USP20: variants seen among roughly 807,000 people sequenced by gnomAD.
USP20 encodes the protein ubiquitin carboxyl-terminal hydrolase 20.
Under a neutral mutation model 124.2 loss-of-function variants are expected in USP20, and 80 were observed. The ratio of observed to expected loss-of-function variants is 0.64; its 90% CI spans 0.54 to 0.78. The LOEUF (loss-of-function observed/expected upper bound fraction) is 0.78, where lower values mean the gene tolerates loss of function less well. Among genes scored for constraint, USP20 ranks in the 30% least tolerant of loss-of-function variants. USP20 has a pLI of 0.00. For synonymous variants in USP20, 481 were observed against 512.3 expected, an observed-to-expected ratio of 0.94 and a Z score of 0.83; for missense variants, 1,043 against 1,244.4, an observed-to-expected ratio of 0.84 and a Z score of 2.44.
chr9:129,866,062 C>T lies in USP20; in HGVS notation c.690+681C>T, dbSNP rs72757205. Among the ~76,000 whole-genome samples the T allele has an allele frequency of 6.0e-3, 907 of 152,342 alleles. 3 individuals carry two copies. The highest frequency in any genetic ancestry group is 0.01 in the Non-Finnish European group (707 of 68,030). On this transcript the variant is annotated intron_variant, in intron 10 of 25. Coordinates refer to ENST00000372429, the MANE Select transcript of USP20 (RefSeq NM_001110303.4). ...TGCAGCCACGCGTACACCTCAGCCC[C>T]GGGCTGATGGCTCCTGCCCTCCAGC...
Position 129,868,993 on chromosome 9 carries a change from C to T in USP20, c.1267C>T (p.Leu423Phe). 8 of 1,608,362 alleles carry T rather than the reference C, an allele frequency of 5.0e-6. No homozygotes were observed. Among genetic ancestry groups the T allele is most frequent in the Non-Finnish European group, 6.8e-6 (8 of 1,176,522 alleles). Residue 423 changes from leucine to phenylalanine, a missense_variant, in exon 12 of 26, where the codon CTC becomes TTC. Transcript: ENST00000372429. ...CGTGAGGATGGCACCGTCGTACGTG[C>T]TCAAGAAAGGTTCGGGGGGCACGGG... ...SPVRMAPSYV[L>F]KKAQVLSAGS...
Position 129,873,722 on chromosome 9 carries a change from G to A in USP20, c.1718G>A (p.Cys573Tyr). 1 of 1,612,986 alleles carries A rather than the reference G, an allele frequency of 6.2e-7. No individual in the cohort carries two copies. The highest frequency in any genetic ancestry group is 8.5e-7 in the Non-Finnish European group (1 of 1,180,020). ...AGGCTGCGGAACGGAGTGAAGTACT[G>A]CAAAGTCCTGCGGTTGCCCGAGGTG... ...CKKLRNGVKYCKVLRLPEILC... is the reference protein window; with the variant it reads ...CKKLRNGVKYYKVLRLPEILC... Residue 573 changes from cysteine to tyrosine, a missense_variant, in exon 17 of 26, where the codon TGC becomes TAC. Transcript: ENST00000372429.
rs747070020 is a variant in USP20, at chr9:129,873,741, C to A, written c.1737C>A (p.Pro579=). ...AGTACTGCAAAGTCCTGCGGTTGCCCGAGGTGAGCCAGTGGCCTCGGCAGC... is the reference window on the plus strand; with the variant it reads ...AGTACTGCAAAGTCCTGCGGTTGCCAGAGGTGAGCCAGTGGCCTCGGCAGC... ...GVKYCKVLRL[P]EILCIHLKRF... is the part of the protein sequence containing the mutation. The change falls in exon 17 of 26, where the codon CCC becomes CCA. Residue 579 remains proline (P), a synonymous_variant. Coordinates refer to ENST00000372429, the MANE Select transcript of USP20 (RefSeq NM_001110303.4). 6.2e-7 allele frequency: 1 copy of A among 1,612,060 alleles called. No homozygotes were observed. Among genetic ancestry groups the A allele is most frequent in the Non-Finnish European group, 8.5e-7 (1 of 1,179,990 alleles).
rs751016115 is a variant in USP20, at chr9:129,880,261, G to A, written c.2733G>A (p.Thr911=). Reference sequence around the variant, plus strand: ...GGGAGCAGAAGATCGAAGCCGAGACGCGGGCCGTGTGATCTGCTGGGCTAG... The same window carrying A: ...GGGAGCAGAAGATCGAAGCCGAGACACGGGCCGTGTGATCTGCTGGGCTAG... ...LHGEQKIEAE[T]RAV is the part of the protein sequence containing the mutation. The change falls in exon 25 of 26, where the codon ACG becomes ACA. Residue 911 remains threonine (T), a synonymous_variant. Coordinates refer to ENST00000372429, the MANE Select transcript of USP20 (RefSeq NM_001110303.4). 17 of 1,600,262 alleles carry A rather than the reference G, an allele frequency of 1.1e-5. No homozygotes were observed. The highest frequency in any genetic ancestry group is 3.5e-5 in the Admixed American group (2 of 57,652).
chr9:129,839,210 C>A lies in USP20; in HGVS notation c.-129+3711C>A, dbSNP rs577162942. On this transcript the variant is annotated intron_variant, in intron 1 of 25. Coordinates refer to ENST00000372429, the MANE Select transcript of USP20 (RefSeq NM_001110303.4). This position sits in a 1 kb window ranked among gnomAD's most constrained non-coding sequence, Gnocchi z 4.5. ...TAGCCAGTTATTCCACTTCTCTGAG[C>A]CTCGGTGTCTCCATTGTTAGTGATG... is the stretch of plus-strand genomic sequence containing the variant. 2.0e-5 allele frequency among the ~76,000 whole-genome samples: 3 copies of A among 152,280 alleles called. No individual in the cohort carries two copies. The highest frequency in any genetic ancestry group is 7.2e-5 in the African/African-American group (3 of 41,556).
chr9:129,848,485 C>T (rs576382396), intron 1 of USP20, among the ~76,000 whole-genome samples: 1 of 151,734 alleles, frequency 6.6e-6, no homozygotes, highest in East Asian at 2.0e-4. Context: ...ACTTGCAAAT[C>T]AAGAGTGAGT....
intron 13 of USP20, 113 bp from the exon 14 acceptor site, chr9:129,869,559 G>T: frequency 6.5e-7 from 1 of 1,541,006 alleles, no homozygotes. Flanking sequence ...TGCCTGCGTG[G>T]ATCCCGTGTC....
chr9:129,854,048 C>A (rs1039544653), intron 3 of USP20, among the ~76,000 whole-genome samples: 1 of 152,128 alleles, frequency 6.6e-6, no homozygotes, highest in South Asian at 2.1e-4. Flanking sequence ...GTAGAAATGA[C>A]AAGAAACTTT....
At chr9:129,869,489 T>C in intron 13 of USP20, 64 bp downstream of exon 13, 1 of 1,571,162 alleles carries the variant, frequency 6.4e-7, no homozygotes. Flanking sequence ...GCTCTTGCCC[T>C]GACTGGGTGC....
chr9:129,855,194 G>C (rs1564203202), intron 3 of USP20, among the ~76,000 whole-genome samples: 1 of 152,208 alleles, frequency 6.6e-6, no homozygotes, highest in Non-Finnish European at 1.5e-5. Context: ...CACTTTGGGA[G>C]GCCAAGGCGG....
intron 15 of USP20, among the ~76,000 whole-genome samples, chr9:129,871,755 C>T (rs577114457): frequency 3.9e-5 from 6 of 152,302 alleles, no homozygotes; most frequent in South Asian, 2.1e-4. Context: ...TCTCTCTTGA[C>T]GCCCAGGCTG....
At chr9:129,871,332 AGC>A (rs899043634) in intron 15 of USP20, among the ~76,000 whole-genome samples, 2 of 12,874 alleles carry the variant, frequency 1.6e-4, no homozygotes, top group East Asian at 0.12. Context: ...TCCACGTTGC[AGC>A]GTGTGTGTCG....
chr9:129,860,344 A>AG (rs2033475113), intron 6 of USP20, among the ~76,000 whole-genome samples: 1 of 150,778 alleles, frequency 6.6e-6, no homozygotes. Flanking sequence ...AGAAAAAAAA[A>AG]AACGTCTACA....
rs1280262248 is a variant in USP20 at position 129,875,625 on chromosome 9, G to A, written c.2284G>A (p.Glu762Lys). Reference sequence around the variant, plus strand: ...GGTCATCCTGCCCCAGAACGTCTGGGAGCACCTGTACAACAGGTGAGAGCC... The same window carrying A: ...GGTCATCCTGCCCCAGAACGTCTGGAAGCACCTGTACAACAGGTGAGAGCC... ...LVVILPQNVW[E>K]HLYNRFGGGP... Residue 762 changes from glutamate to lysine, a missense_variant, in exon 21 of 26, where the codon GAG (glutamate) becomes AAG (lysine). Coordinates refer to ENST00000372429, the MANE Select transcript of USP20 (RefSeq NM_001110303.4). 1 of 1,613,874 alleles carries A rather than the reference G, an allele frequency of 6.2e-7. No individual in the cohort carries two copies. Among genetic ancestry groups the A allele is most frequent in the African/African-American group, 1.3e-5 (1 of 74,910 alleles).
At chr9:129,872,093 G>A (rs984021791) in intron 15 of USP20, among the ~76,000 whole-genome samples, 2 of 152,162 alleles carry the variant, frequency 1.3e-5, no homozygotes, top group Non-Finnish European at 2.9e-5. Context: ...CCATTTGTAA[G>A]TGTTTGGAAA....
intron 8 of USP20, 51 bp from the exon 9 acceptor site, chr9:129,863,135 C>T (rs1564209161): frequency 2.1e-6 from 3 of 1,422,778 alleles, no homozygotes; most frequent in South Asian, 1.4e-5. Context: ...TTCTAAACTG[C>T]CGCATGCCTC....
In USP20 at chr9:129,839,445, C is replaced by G. The variant is rs1363602301; in HGVS notation, c.-129+3946C>G. 6.6e-6 allele frequency among the ~76,000 whole-genome samples: 1 copy of G among 152,074 alleles called. No individual in the cohort carries two copies. The highest frequency in any genetic ancestry group is 2.4e-5 in the African/African-American group (1 of 41,378). On this transcript the variant is annotated intron_variant, in intron 1 of 25. Coordinates refer to ENST00000372429, the MANE Select transcript of USP20 (RefSeq NM_001110303.4). The surrounding 1 kb of genome is among the most constrained non-coding windows in gnomAD (Gnocchi z 4.5). Reference sequence around the variant, plus strand: ...GGCATGGGGAGGCCTGAGGGCTCTGCTTCGAGAGTCAGAGGATGGTGGCCT... The same window carrying G: ...GGCATGGGGAGGCCTGAGGGCTCTGGTTCGAGAGTCAGAGGATGGTGGCCT...
chr9:129,869,982 A>T (rs762291916), intron 14 of USP20, 138 bp downstream of exon 14: 62 of 1,029,986 alleles, frequency 6.0e-5, no homozygotes, highest in Non-Finnish European at 8.1e-5. Context: ...CGAAGCCTGC[A>T]GAGGAGTTGG....
At chr9:129,846,559 A>G (rs1255978460) in intron 1 of USP20, among the ~76,000 whole-genome samples, 1 of 150,010 alleles carries the variant, frequency 6.7e-6, no homozygotes, top group Non-Finnish European at 1.5e-5. Flanking sequence ...AACATGGCCT[A>G]ATAGTGTTTT....
Sources: allele counts gnomAD v4.1 joint callset (sites outside exome capture counted in the v4.1 genomes callset), GRCh38; gene constraint gnomAD v4.1.1; non-coding constraint Gnocchi (gnomAD v3.1); transcripts MANE v1.5; gene names NCBI Gene and HGNC (gene_info 2026-07-23, HGNC 2026-07-21).